Variants in HCN1 observed in about 807,000 individuals in gnomAD.
HCN1 encodes hyperpolarization activated cyclic nucleotide gated potassium channel 1.
HCN1 carries 13 observed loss-of-function variants against 78.9 expected under a neutral mutation model. The observed-to-expected ratio is 0.16, with a 90% CI of 0.11 to 0.26. The LOEUF (loss-of-function observed/expected upper bound fraction) is 0.26. Among genes scored for constraint, HCN1 ranks in the 10% least tolerant of loss-of-function variants. The pLI, the probability that HCN1 is intolerant of heterozygous loss-of-function variation, is 1.00. For missense variants in HCN1, 810 were observed against 1,154.3 expected (o/e 0.70, Z 4.32); for synonymous variants, 552 against 455.5 (o/e 1.21, Z -2.70).
intron 3 of HCN1, among the ~76,000 whole-genome samples, chr5:45,427,565 G>A (rs759370620): frequency 3.3e-5 from 5 of 152,012 alleles, no homozygotes; most frequent in Admixed American, 6.6e-5. Flanking sequence ...AAGCAGTCAG[G>A]TGTTTTGTTA....
chr5:45,478,138 T>A (rs1741560120), intron 2 of HCN1, among the ~76,000 whole-genome samples: 1 of 151,724 alleles, frequency 6.6e-6, no homozygotes, highest in Admixed American at 6.6e-5. Flanking sequence ...TGGGTGACAA[T>A]GAGACACTCT....
At chr5:45,625,174 G>T (rs1308802765) in intron 2 of HCN1, among the ~76,000 whole-genome samples, 2 of 151,950 alleles carry the variant, frequency 1.3e-5, no homozygotes, top group Admixed American at 6.6e-5. Flanking sequence ...ATGGTGGCAG[G>T]CACCTGTAGT....
intron 5 of HCN1, among the ~76,000 whole-genome samples, chr5:45,333,158 C>T (rs1746380561): frequency 6.6e-6 from 1 of 151,564 alleles, no homozygotes; most frequent in Non-Finnish European, 1.5e-5. Context: ...TTTGTTATTG[C>T]CTGTCTTTTG....
chr5:45,298,628 C>T (rs1745547064), intron 6 of HCN1, among the ~76,000 whole-genome samples: 2 of 151,878 alleles, frequency 1.3e-5, no homozygotes, highest in South Asian at 4.1e-4. Flanking sequence ...AGTGTCCATA[C>T]TGATACAAAA....
intron 1 of HCN1, among the ~76,000 whole-genome samples, chr5:45,691,283 T>C (rs575493816): frequency 6.6e-6 from 1 of 152,212 alleles, no homozygotes; most frequent in South Asian, 2.1e-4. Flanking sequence ...TTACTGATTC[T>C]CAATTTATAA....
chr5:45,264,223 A>T (rs2111842423), intron 7 of HCN1, among the ~76,000 whole-genome samples: 1 of 152,246 alleles, frequency 6.6e-6, no homozygotes, highest in Non-Finnish European at 1.5e-5. Flanking sequence ...ACCTCAATAA[A>T]TTTTACCTTT....
chr5:45,327,420 C>A (rs1746258051), intron 5 of HCN1, among the ~76,000 whole-genome samples: 1 of 151,572 alleles, frequency 6.6e-6, no homozygotes, highest in South Asian at 2.1e-4. Flanking sequence ...AATTAATTTT[C>A]ATTATTAACA....
intron 2 of HCN1, chr5:45,642,793 G>C (rs572955668): frequency 1.3e-5 from 2 of 152,124 alleles, no homozygotes; most frequent in South Asian, 4.1e-4. Context: ...GTTTCTTGGA[G>C]ATTATGGTTA....
chr5:45,372,677 AAATATTTATATATAAAAATATAT>A (rs1747435054), intron 4 of HCN1, among the ~76,000 whole-genome samples: 1 of 141,936 alleles, frequency 7.0e-6, no homozygotes, highest in Non-Finnish European at 1.5e-5. Flanking sequence ...TAAAAATATA[AAATATTTATATATAAAAATATAT>A]ACGTATTTAT....
chr5:45,597,281 C>T (rs974380757), intron 2 of HCN1, among the ~76,000 whole-genome samples: 4 of 152,122 alleles, frequency 2.6e-5, no homozygotes, highest in Non-Finnish European at 5.9e-5. Context: ...AATCAATAAA[C>T]GTAATCCATC....
chr5:45,372,256 TA>T (rs1299898035), intron 4 of HCN1, among the ~76,000 whole-genome samples: 1 of 73,094 alleles, frequency 1.4e-5, no homozygotes, highest in African/African-American at 6.1e-5. Flanking sequence ...ATATAATATA[TA>T]TTTATATATA....
chr5:45,486,019 A>G (rs1281253055), intron 2 of HCN1, among the ~76,000 whole-genome samples: 8 of 152,200 alleles, frequency 5.3e-5, no homozygotes, highest in Admixed American at 5.2e-4. Context: ...ACAAGTTAGA[A>G]AATGAGGCTT....
At chr5:45,273,345 C>G (rs907343181) in intron 6 of HCN1, among the ~76,000 whole-genome samples, 4 of 151,940 alleles carry the variant, frequency 2.6e-5, no homozygotes, top group African/African-American at 9.7e-5. Context: ...TTTAATAATC[C>G]TTAAGGTATG....
chr5:45,656,717 C>T (rs1745769516), intron 1 of HCN1, among the ~76,000 whole-genome samples: 1 of 151,984 alleles, frequency 6.6e-6, no homozygotes, highest in African/African-American at 2.4e-5. Flanking sequence ...TCAAAGACAG[C>T]CAAGAATGTG....
rs1283094972 is a variant in HCN1, at chr5:45,375,793, T to A, written c.1230+20699A>T. On this transcript the variant is annotated intron_variant, in intron 4 of 7. Transcript: ENST00000303230. ...ATATCTTATATATAATATAATATTT[T>A]ATGATATATCTTATATATAATATAA... Among the ~76,000 whole-genome samples the A allele has an allele frequency of 8.6e-5, 10 of 116,702 alleles. No homozygotes were observed. In the East Asian group the frequency reaches 2.1e-3, roughly 25 times the overall value. 76.6% of individuals were successfully genotyped at this position (116,702 alleles called of 152,430 possible). A position where few individuals can be genotyped will look rare whatever the true frequency, so the allele number is the denominator to read the frequency against.
intron 2 of HCN1, among the ~76,000 whole-genome samples, chr5:45,557,725 T>A (rs1216336217): frequency 3.9e-5 from 6 of 152,130 alleles, no homozygotes; most frequent in African/African-American, 1.4e-4. Flanking sequence ...TCAGTGATCT[T>A]TGATGTTACT....
At chr5:45,411,561 G>A (rs1740024508) in intron 3 of HCN1, among the ~76,000 whole-genome samples, 1 of 143,318 alleles carries the variant, frequency 7.0e-6, no homozygotes, top group South Asian at 2.3e-4. Flanking sequence ...ATGCTCATGA[G>A]GATATTCTAG....
intron 2 of HCN1, among the ~76,000 whole-genome samples, chr5:45,544,487 C>T (rs758467892): frequency 3.7e-4 from 57 of 152,078 alleles, no homozygotes; most frequent in Middle Eastern, 3.4e-3. Context: ...GGTACATGTG[C>T]ACAATGTGCA....
intron 2 of HCN1, among the ~76,000 whole-genome samples, chr5:45,478,302 G>A (rs1437083712): frequency 6.6e-6 from 1 of 152,054 alleles, no homozygotes; most frequent in Admixed American, 6.6e-5. Flanking sequence ...TAAAAATGAA[G>A]AAGTTTACAT....
Sources: gnomAD v4.1 joint callset for allele counts (sites outside exome capture counted in the v4.1 genomes callset) on GRCh38, gnomAD v4.1.1 for gene constraint, MANE v1.5 for transcripts, NCBI Gene and HGNC (gene_info 2026-07-23, HGNC 2026-07-21) for gene names.